The following NDUFAF5 variants were observed in gnomAD, a reference collection of about 807,000 sequenced individuals.
NDUFAF5 encodes arginine-hydroxylase NDUFAF5, mitochondrial.
Under a neutral mutation model 48.9 loss-of-function variants are expected in NDUFAF5, and 34 were observed. The ratio of observed to expected loss-of-function variants is 0.70; its 90% CI spans 0.53 to 0.93. The LOEUF (loss-of-function observed/expected upper bound fraction) is 0.93, where lower values mean the gene tolerates loss of function less well. Among genes scored for constraint, NDUFAF5 ranks in the 40% least tolerant of loss-of-function variants. The pLI is 0.00. For missense variants in NDUFAF5, 428 were observed against 427.5 expected (o/e 1.00, Z -0.01); for synonymous variants, 153 against 150.6 (o/e 1.02, Z -0.12).
intron 5 of NDUFAF5, among the ~76,000 whole-genome samples, chr20:13,797,865 T>C (rs1002991785): frequency 2.6e-5 from 4 of 152,198 alleles, no homozygotes; most frequent in African/African-American, 9.7e-5. Flanking sequence ...GGTTTTCCTC[T>C]TAATTTTGCT....
intron 3 of NDUFAF5, among the ~76,000 whole-genome samples, chr20:13,788,860 A>C (rs558997372): frequency 6.6e-6 from 1 of 151,768 alleles, no homozygotes; most frequent in Non-Finnish European, 1.5e-5. Flanking sequence ...CTCTGAATCC[A>C]TTATATATTA....
At chr20:13,804,969 G>A (rs998405504) in intron 7 of NDUFAF5, among the ~76,000 whole-genome samples, 3 of 152,184 alleles carry the variant, frequency 2.0e-5, no homozygotes, top group Non-Finnish European at 4.4e-5. Flanking sequence ...ACTAAAAATA[G>A]ATTAGGAACC....
chr20:13,786,829 T>C (rs1981242473), intron 1 of NDUFAF5, among the ~76,000 whole-genome samples: 1 of 152,242 alleles, frequency 6.6e-6, no homozygotes, highest in African/African-American at 2.4e-5. Flanking sequence ...AACTTGCGAA[T>C]GTCACTCAGA....
intron 5 of NDUFAF5, among the ~76,000 whole-genome samples, chr20:13,796,982 A>G (rs931853958): frequency 3.3e-5 from 5 of 152,216 alleles, no homozygotes; most frequent in African/African-American, 9.6e-5. Context: ...GTCTCAAAAA[A>G]GGAAAAAATT....
intron 3 of NDUFAF5, among the ~76,000 whole-genome samples, chr20:13,789,479 C>CTTTTTTTT (rs751983106): frequency 7.9e-6 from 1 of 126,154 alleles, no homozygotes; most frequent in Non-Finnish European, 1.7e-5. Context: ...AGTGGAATTT[C>CTTTTTTTT]TTTTTTTTTT....
chr20:13,787,063 A>T (rs1981293580), intron 1 of NDUFAF5: 1 of 532,716 alleles, frequency 1.9e-6, no homozygotes, highest in Non-Finnish European at 3.4e-6. Flanking sequence ...CCACATATAT[A>T]TATGTGTGTG....
At chr20:13,811,951 A>G (rs1314749232) in intron 8 of NDUFAF5, among the ~76,000 whole-genome samples, 1 of 152,200 alleles carries the variant, frequency 6.6e-6, no homozygotes, top group Non-Finnish European at 1.5e-5. Flanking sequence ...TTAAAGAAAG[A>G]GGATTATACA....
At chr20:13,802,795 C>T (rs1452775067) in intron 7 of NDUFAF5, among the ~76,000 whole-genome samples, 2 of 151,976 alleles carry the variant, frequency 1.3e-5, no homozygotes, top group East Asian at 3.9e-4. Context: ...CTTTCCCCAT[C>T]ACTCTACTCC....
At chr20:13,811,028 C>G (rs1407591439) in intron 8 of NDUFAF5, among the ~76,000 whole-genome samples, 1 of 151,904 alleles carries the variant, frequency 6.6e-6, no homozygotes, top group Non-Finnish European at 1.5e-5. Flanking sequence ...GGACCAGGCA[C>G]GAAAATCGGA....
chr20:13,814,067 G>GTT, intron 8 of NDUFAF5: 2 of 214,526 alleles, frequency 9.3e-6, no homozygotes, highest in South Asian at 6.8e-5. Flanking sequence ...CTGTTTGTTT[G>GTT]TTTTTTTTTA....
At position 13,817,965 on chromosome 20, in the gene NDUFAF5, A is replaced by G. The variant is rs1986678528; in HGVS notation, c.*755A>G. The G allele has an allele frequency of 2.2e-6, 1 of 454,066 alleles. No individual in the cohort carries two copies. The highest frequency in any genetic ancestry group is 4.4e-6 in the Non-Finnish European group (1 of 226,808). 28.1% of individuals were successfully genotyped at this position (454,066 alleles called of 1,614,324 possible). ...GGATAGGTGAGAAGAACATAGAGGA[A>G]GCAGGGAGAAGGCTGAGAAGCAAGC... On this transcript the variant is annotated 3_prime_UTR_variant, in exon 11 of 11. Transcript: ENST00000378106.
chr20:13,816,586 C>A, intron 9 of NDUFAF5, 40 bp downstream of exon 9: 1 of 1,499,890 alleles, frequency 6.7e-7, no homozygotes, highest in Non-Finnish European at 9.3e-7. Context: ...CACCAAGGCA[C>A]TTGTGCTGTA....
chr20:13,792,597 T>C (rs556079677), intron 3 of NDUFAF5, among the ~76,000 whole-genome samples: 2 of 152,198 alleles, frequency 1.3e-5, no homozygotes, highest in South Asian at 4.1e-4. Flanking sequence ...TTGTGCCTGT[T>C]GTAAGGTGGA....
chr20:13,810,207 G>T (rs1985670085), intron 8 of NDUFAF5, among the ~76,000 whole-genome samples: 1 of 152,192 alleles, frequency 6.6e-6, no homozygotes, highest in Admixed American at 6.6e-5. Context: ...TGAGGCTTTA[G>T]CAGGTGGGTA....
intron 3 of NDUFAF5, among the ~76,000 whole-genome samples, chr20:13,790,060 G>A (rs1177869603): frequency 1.3e-5 from 2 of 152,166 alleles, no homozygotes; most frequent in African/African-American, 4.8e-5. Flanking sequence ...CAGGAGGAAA[G>A]GCACAGAGGT....
At chr20:13,803,799 T>G (rs6033825) in intron 7 of NDUFAF5, among the ~76,000 whole-genome samples, 24,944 of 150,090 alleles carry the variant, frequency 0.17, 2,667 homozygotes, top group East Asian at 0.41. Flanking sequence ...ATTTTTTTTT[T>G]GGGGGGGGGA....
In NDUFAF5 at chr20:13,819,836, C is replaced by G. The variant is rs909901678; in HGVS notation, c.*2626C>G. On this transcript the variant is annotated 3_prime_UTR_variant, in exon 11 of 11. Transcript: ENST00000378106. ...CAACACCTTGACCAAAATGAACTTT[C>G]TTGAGTCATTTCTTCTCTGTTTAGC... The G allele has an allele frequency of 3.9e-5, 6 of 152,166 alleles. No homozygotes were observed. The highest frequency in any genetic ancestry group is 1.4e-4 in the African/African-American group (6 of 41,444). The allele number at this position is 152,166 out of a possible 1,614,324, so 9.4% of individuals were successfully genotyped here. A position where few individuals can be genotyped will look rare whatever the true frequency, so the allele number is the denominator to read the frequency against.
At chr20:13,789,966 A>G (rs1333426439) in intron 3 of NDUFAF5, among the ~76,000 whole-genome samples, 4 of 152,234 alleles carry the variant, frequency 2.6e-5, no homozygotes, top group Non-Finnish European at 2.9e-5. Context: ...CATGTGGTCA[A>G]GGATTCTCAG....
chr20:13,805,871 G>A (rs1293657230), intron 7 of NDUFAF5, among the ~76,000 whole-genome samples: 1 of 152,014 alleles, frequency 6.6e-6, no homozygotes, highest in Non-Finnish European at 1.5e-5. Context: ...AGGCTGCAGT[G>A]AGCCATGATC....
Sources: allele counts gnomAD v4.1 joint callset (sites outside exome capture counted in the v4.1 genomes callset), GRCh38; gene constraint gnomAD v4.1.1; transcripts MANE v1.5; gene names NCBI Gene and HGNC (gene_info 2026-07-23, HGNC 2026-07-21).